The following MTHFD1 variants were observed in gnomAD, a reference collection of about 807,000 sequenced individuals.
MTHFD1 encodes C-1-tetrahydrofolate synthase, cytoplasmic.
MTHFD1 carries 44 observed loss-of-function variants against 110.3 expected under a neutral mutation model. That is an observed-to-expected ratio of 0.40 (90% CI 0.31 to 0.51). The LOEUF (loss-of-function observed/expected upper bound fraction) is 0.51, where lower values mean the gene tolerates loss of function less well. MTHFD1 is among the 20% of genes least tolerant of loss of function. MTHFD1 has a pLI of 0.60. For synonymous variants in MTHFD1, 402 were observed against 428.8 expected, an observed-to-expected ratio of 0.94 and a Z score of 0.77; for missense variants, 909 against 1,173.1, an observed-to-expected ratio of 0.77 and a Z score of 3.29.
chr14:64,428,546 C>T (rs1472690116), intron 12 of MTHFD1, among the ~76,000 whole-genome samples: 1 of 129,948 alleles, frequency 7.7e-6, no homozygotes, highest in Non-Finnish European at 1.6e-5. Flanking sequence ...AACACCTTCA[C>T]CCTTCCACCT....
chr14:64,449,351 G>T, intron 23 of MTHFD1, 94 bp from the exon 24 acceptor site: 1 of 1,414,598 alleles, frequency 7.1e-7, no homozygotes. Context: ...TCGTTTATCA[G>T]TGGGTAATTC....
intron 19 of MTHFD1, 80 bp downstream of exon 19, chr14:64,441,533 G>A (rs2078246831): frequency 3.1e-5 from 42 of 1,364,026 alleles, no homozygotes; most frequent in Middle Eastern, 2.1e-4. Context: ...CTTGCAAGGC[G>A]CGGTGGCTCA....
chr14:64,411,100 G>T lies in MTHFD1; in HGVS notation c.137G>T (p.Arg46Ile). Reference protein sequence around the residue: ...PRLAILQVGNRDDSNLYINVK... With the variant: ...PRLAILQVGNIDDSNLYINVK... ...CATTTATTATTCTAGGTTGGCAACA[G>T]AGATGATTCCAATCTTTATATAAAT... Residue 46 changes from arginine to isoleucine, a missense_variant, in exon 3 of 28, where the codon AGA becomes ATA. This residue lies in a region of MTHFD1 where 424 missense variants were observed against 510.4 expected (regional missense o/e 0.83). Transcript: ENST00000652337. 1 of 1,611,764 alleles carries T rather than the reference G, an allele frequency of 6.2e-7. No individual in the cohort carries two copies. Among genetic ancestry groups the T allele is most frequent in the Non-Finnish European group, 8.5e-7 (1 of 1,178,188 alleles).
At position 64,403,108 on chromosome 14, in the gene MTHFD1, G is replaced by A. The variant is rs991499653; in HGVS notation, c.126+2231G>A. Among the ~76,000 whole-genome samples, 14 of 151,696 alleles carry A rather than the reference G, an allele frequency of 9.2e-5. No individual in the cohort carries two copies. In the East Asian group the frequency reaches 1.8e-3, roughly 19 times the overall value. The stretch of plus-strand genomic sequence containing the variant: ...AGAGTAGCTGGGATTACAGGCATGC[G>A]CCACCATGCCTAATTTTTTTTTTTG... On this transcript the variant is annotated intron_variant, in intron 2 of 27. Coordinates refer to ENST00000652337, the MANE Select transcript of MTHFD1 (RefSeq NM_005956.4).
At chr14:64,448,363 T>G (rs755878085) in intron 23 of MTHFD1, 46 bp downstream of exon 23, 2 of 1,364,076 alleles carry the variant, frequency 1.5e-6, no homozygotes, top group East Asian at 4.6e-5. Flanking sequence ...GAAAATCTCC[T>G]GGAGCTGATT....
At chr14:64,441,182 A>C in intron 18 of MTHFD1, 1 of 560,342 alleles carries the variant, frequency 1.8e-6, no homozygotes, top group South Asian at 1.8e-5. Context: ...ACACAGCCAG[A>C]CTCCGTCTCA....
intron 1 of MTHFD1, among the ~76,000 whole-genome samples, chr14:64,391,057 C>G (rs2077800239): frequency 6.6e-6 from 1 of 152,226 alleles, no homozygotes; most frequent in Non-Finnish European, 1.5e-5. Flanking sequence ...ATGGCAATGG[C>G]TCAACTAAAA....
chr14:64,406,035 A>G (rs1001451571), intron 2 of MTHFD1, among the ~76,000 whole-genome samples: 1 of 137,592 alleles, frequency 7.3e-6, no homozygotes, highest in African/African-American at 2.7e-5. Flanking sequence ...AATAATAATT[A>G]TTATTATTAT....
At position 64,427,423 on chromosome 14, in the gene MTHFD1, T is replaced by C; in HGVS notation, c.1214T>C (p.Val405Ala). The change falls in exon 12 of 28, where the codon GTC (valine) becomes GCC (alanine). Residue 405 changes from valine (V) to alanine (A), a missense_variant. Val to Ala is a moderately conservative substitution (Grantham distance 64, BLOSUM62 0). Around this residue, in one of 3 missense-constraint regions of MTHFD1, gnomAD observed 424 missense variants for 510.4 expected, o/e 0.83. Coordinates refer to ENST00000652337, the MANE Select transcript of MTHFD1 (RefSeq NM_005956.4). ...CTTGGTGCCCATCTCTACCAGAATG[T>C]CTTTGCGTGTGTGCGACAGCCTTCT... Reference protein sequence around the residue: ...QALGAHLYQNVFACVRQPSQG... With the variant: ...QALGAHLYQNAFACVRQPSQG... 1 of 1,614,206 alleles carries C rather than the reference T, an allele frequency of 6.2e-7. No individual in the cohort carries two copies. The highest frequency in any genetic ancestry group is 8.5e-7 in the Non-Finnish European group (1 of 1,180,024).
intron 8 of MTHFD1, among the ~76,000 whole-genome samples, chr14:64,423,615 C>G (rs1324768375): frequency 6.7e-6 from 1 of 149,908 alleles, no homozygotes; most frequent in African/African-American, 2.5e-5. Context: ...AGGCTGGTCT[C>G]GGACTCCTGA....
intron 15 of MTHFD1, among the ~76,000 whole-genome samples, chr14:64,433,261 G>C (rs927173838): frequency 6.6e-6 from 1 of 151,972 alleles, no homozygotes; most frequent in African/African-American, 2.4e-5. Context: ...TGGGGTTACA[G>C]GTGCCTGCCA....
chr14:64,390,491 A>AT (rs898695383), intron 1 of MTHFD1: 19 of 146,264 alleles, frequency 1.3e-4, no homozygotes, highest in East Asian at 2.0e-4. Context: ...CGCCTAGCTA[A>AT]TTTTTTTTTT....
intron 2 of MTHFD1, among the ~76,000 whole-genome samples, chr14:64,403,593 G>GTTT (rs35927010): frequency 7.6e-4 from 115 of 150,678 alleles, no homozygotes; most frequent in East Asian, 9.8e-4. Context: ...TTTTTGTAGA[G>GTTT]TTTTTTTTTG....
In MTHFD1 at chr14:64,426,178, C is replaced by T. The variant is rs187474222; in HGVS notation, c.1113C>T (p.Tyr371=). 9.3e-6 allele frequency: 15 copies of T among 1,614,098 alleles called. No homozygotes were observed. The highest frequency in any genetic ancestry group is 8.9e-5 in the East Asian group (4 of 44,878). The change falls in exon 11 of 28, where the codon TAC becomes TAT. Residue 371 remains tyrosine, a synonymous_variant. Coordinates refer to ENST00000652337, the MANE Select transcript of MTHFD1 (RefSeq NM_005956.4). Reference sequence around the variant, plus strand: ...TGAAGCACCGGCCTGATGGGAAATACGTGGTGGTGACTGGGTATGCTTTTT... The same window carrying T: ...TGAAGCACCGGCCTGATGGGAAATATGTGGTGGTGACTGGGTATGCTTTTT... ...ERLKHRPDGK[Y]VVVTGITPTP...
intron 1 of MTHFD1, among the ~76,000 whole-genome samples, chr14:64,390,660 T>G (rs1413585393): frequency 2.0e-5 from 3 of 151,952 alleles, no homozygotes; most frequent in African/African-American, 7.3e-5. Flanking sequence ...GTTTGTTTGT[T>G]TGTTTGAGAC....
intron 19 of MTHFD1, 150 bp downstream of exon 19, chr14:64,441,603 G>A (rs532403661): frequency 8.0e-5 from 55 of 691,176 alleles, no homozygotes; most frequent in Middle Eastern, 3.9e-4. Flanking sequence ...TCAGGAGATC[G>A]AGACCATCCT....
Position 64,458,246 on chromosome 14 carries a change from C to G in MTHFD1, c.2751C>G (p.Pro917=). 1 of 1,613,406 alleles carries G rather than the reference C, an allele frequency of 6.2e-7. No homozygotes were observed. The highest frequency in any genetic ancestry group is 8.5e-7 in the Non-Finnish European group (1 of 1,179,536). Residue 917 remains proline, a synonymous_variant, in exon 27 of 28, where the codon CCC becomes CCG. Coordinates refer to ENST00000652337, the MANE Select transcript of MTHFD1 (RefSeq NM_005956.4). ...MSTMPGLPTR[P]CFYDIDLDPE... The stretch of plus-strand genomic sequence containing the variant: ...CAATGCCTGGACTCCCCACCCGGCC[C>G]TGTTTTTATGATATTGATTTGGACC...
At chr14:64,425,452 C>T (rs1461722683) in intron 9 of MTHFD1, among the ~76,000 whole-genome samples, 1 of 152,092 alleles carries the variant, frequency 6.6e-6, no homozygotes, top group Non-Finnish European at 1.5e-5. Flanking sequence ...CTCAGGTGAT[C>T]CGCCCACCTT....
At chr14:64,434,661 A>G (rs1188207825) in intron 15 of MTHFD1, among the ~76,000 whole-genome samples, 7 of 152,144 alleles carry the variant, frequency 4.6e-5, no homozygotes, top group African/African-American at 9.7e-5. Flanking sequence ...GCACATTTCA[A>G]ATGTATACTT....
Sources: allele counts gnomAD v4.1 joint callset (sites outside exome capture counted in the v4.1 genomes callset), GRCh38; gene constraint gnomAD v4.1.1; regional missense constraint gnomAD v4.1.1; transcripts MANE v1.5; gene names NCBI Gene and HGNC (gene_info 2026-07-23, HGNC 2026-07-21).